The following DIP2C variants were observed in gnomAD, a reference collection of about 807,000 sequenced individuals.
DIP2C encodes DIP2 acetate--CoA ligase C (putative).
In DIP2C, 33 loss-of-function variants were observed where a neutral mutation model predicts 192.4. The ratio of observed to expected loss-of-function variants is 0.17; its 90% CI spans 0.13 to 0.23. DIP2C has a LOEUF of 0.23. Ranked by LOEUF, DIP2C falls within the 10% of genes least tolerant of loss-of-function variation. The pLI is 1.00. For missense variants in DIP2C, 1,537 were observed against 2,110.1 expected (o/e 0.73, Z 5.32); for synonymous variants, 979 against 864.1 (o/e 1.13, Z -2.33).
chr10:315,420 G>A (rs911628785), intron 31 of DIP2C, among the ~76,000 whole-genome samples: 23 of 152,088 alleles, frequency 1.5e-4, no homozygotes, highest in African/African-American at 4.8e-4. Flanking sequence ...TTTGCTGAAC[G>A]ATTCTCTAGG....
rs547632357 is a variant in DIP2C, at chr10:429,747, G to A, written c.395-6714C>T. On this transcript the variant is annotated intron_variant, in intron 4 of 36. Coordinates refer to ENST00000280886, the MANE Select transcript of DIP2C (RefSeq NM_014974.3). ...TTTCAGCATCCAATAATATCCCATT[G>A]TCTGTATGTACCACAGTTTACTTAT... Among the ~76,000 whole-genome samples the A allele has an allele frequency of 2.6e-5, 4 of 151,812 alleles. No individual in the cohort carries two copies. In the South Asian group the frequency reaches 6.3e-4, roughly 24 times the overall value.
chr10:640,697 C>CGCGCGGGGATGAGGG (rs1855131516), intron 1 of DIP2C, among the ~76,000 whole-genome samples: 1 of 10,582 alleles, frequency 9.5e-5, no homozygotes, highest in Non-Finnish European at 2.1e-4. Flanking sequence ...GGGGAAGAGG[C>CGCGCGGGGATGAGGG]TGCGCGCGGG....
chr10:403,774 T>C (rs1964591473), intron 9 of DIP2C, among the ~76,000 whole-genome samples: 1 of 150,470 alleles, frequency 6.6e-6, no homozygotes. Context: ...ATTCTACATG[T>C]GTGGTAGTAT....
intron 18 of DIP2C, among the ~76,000 whole-genome samples, chr10:367,837 A>T (rs1960459435): frequency 6.6e-6 from 1 of 152,268 alleles, no homozygotes; most frequent in Non-Finnish European, 1.5e-5. Flanking sequence ...TGACGTGAGA[A>T]AACCCCGGAA....
chr10:548,874 C>T (rs2130935479), intron 1 of DIP2C, among the ~76,000 whole-genome samples: 2 of 91,876 alleles, frequency 2.2e-5, no homozygotes, highest in South Asian at 7.6e-4. Context: ...TTTCCCAAAC[C>T]AAAGAACAGT....
intron 23 of DIP2C, among the ~76,000 whole-genome samples, chr10:357,330 T>TA (rs1357260354): frequency 6.6e-6 from 1 of 152,168 alleles, no homozygotes; most frequent in African/African-American, 2.4e-5. Context: ...AACTGCTTCT[T>TA]AGAGTCCACA....
chr10:469,821 T>G (rs1472976479), intron 3 of DIP2C, among the ~76,000 whole-genome samples: 1 of 152,208 alleles, frequency 6.6e-6, no homozygotes, highest in Non-Finnish European at 1.5e-5. Flanking sequence ...CACAAGATGC[T>G]ATAACCCAGC....
Position 428,054 on chromosome 10 carries a change from CAG to C in DIP2C, c.395-5023_395-5022del, listed in dbSNP as rs1222618144. On this transcript the variant is annotated intron_variant, in intron 4 of 36. Coordinates refer to ENST00000280886, the MANE Select transcript of DIP2C (RefSeq NM_014974.3). ...AACAGCATGTGTTAGATCCATCTAA[CAG>C]AATATAATTCAACAATAAGAAGGAA... 5.3e-5 allele frequency among the ~76,000 whole-genome samples: 8 copies of C among 152,124 alleles called. No homozygotes were observed. The South Asian group carries it at 6.2e-4, about 12-fold the overall frequency.
At chr10:333,030 G>A (rs1182853214) in intron 29 of DIP2C, among the ~76,000 whole-genome samples, 1 of 152,240 alleles carries the variant, frequency 6.6e-6, no homozygotes, top group Non-Finnish European at 1.5e-5. Context: ...ATGCTCCTGA[G>A]TAGCTGGGAT....
chr10:377,797 C>T (rs951577388), intron 17 of DIP2C, among the ~76,000 whole-genome samples: 1 of 152,184 alleles, frequency 6.6e-6, no homozygotes, highest in Non-Finnish European at 1.5e-5. Context: ...CTTTCAAAAA[C>T]TAGAAGATGG....
At chr10:468,140 T>C (rs1970373184) in intron 3 of DIP2C, among the ~76,000 whole-genome samples, 2 of 152,182 alleles carry the variant, frequency 1.3e-5, no homozygotes, top group Admixed American at 6.5e-5. Flanking sequence ...TTGTGAAATC[T>C]GTCTATTGGT....
chr10:432,377 C>G (rs1052490577), intron 4 of DIP2C, among the ~76,000 whole-genome samples: 2 of 152,108 alleles, frequency 1.3e-5, no homozygotes, highest in Non-Finnish European at 2.9e-5. Context: ...AGATACAGGC[C>G]TATACAGATT....
At chr10:282,290 C>T (rs916286179) in intron 35 of DIP2C, among the ~76,000 whole-genome samples, 10 of 152,208 alleles carry the variant, frequency 6.6e-5, no homozygotes, top group African/African-American at 2.4e-4. Flanking sequence ...TGGCCTTTCT[C>T]TAGGACTATA....
At chr10:385,812 G>A (rs1157426419) in intron 14 of DIP2C, among the ~76,000 whole-genome samples, 3 of 152,110 alleles carry the variant, frequency 2.0e-5, no homozygotes, top group African/African-American at 7.2e-5. Context: ...CAGACGAGAG[G>A]GCAGAGACCC....
At chr10:402,510 T>C (rs1269238211) in intron 9 of DIP2C, among the ~76,000 whole-genome samples, 1 of 15,578 alleles carries the variant, frequency 6.4e-5, no homozygotes, top group African/African-American at 7.0e-5. Context: ...CTCTTCCTTA[T>C]GGACAAGTTT....
At chr10:609,404 C>A (rs78946241) in intron 1 of DIP2C, among the ~76,000 whole-genome samples, 2 of 152,180 alleles carry the variant, frequency 1.3e-5, no homozygotes, top group Admixed American at 1.3e-4. Context: ...TACAATCTAT[C>A]AAACAATACT....
At chr10:353,293 CAAG>C (rs1341436586) in intron 24 of DIP2C, among the ~76,000 whole-genome samples, 1 of 151,992 alleles carries the variant, frequency 6.6e-6, no homozygotes, top group African/African-American at 2.4e-5. Context: ...AAAAAAAACC[CAAG>C]AAGAAAAAGC....
intron 32 of DIP2C, among the ~76,000 whole-genome samples, chr10:303,520 ACTTT>A: frequency 6.6e-6 from 1 of 150,784 alleles, no homozygotes. Flanking sequence ...AAAGTTTTTT[ACTTT>A]TTTTTTTTCT....
rs1207485096 is a variant in DIP2C, at chr10:448,363, CA to C, written c.269-7368del. 4.4e-5 allele frequency among the ~76,000 whole-genome samples: 5 copies of C among 113,904 alleles called. 1 individual carries two copies. Among genetic ancestry groups the C allele is most frequent in the African/African-American group, 3.7e-4 (5 of 13,398 alleles). The allele number at this position is 113,904 out of a possible 152,430, so 74.7% of individuals were successfully genotyped here. ...ACACAGTGGGGCAGCAGGACCCACT[CA>C]CTCCCGTCGATACTCAGGATCACAC... On this transcript the variant is annotated intron_variant, in intron 3 of 36. Transcript: ENST00000280886.
Sources: allele counts gnomAD v4.1 joint callset (sites outside exome capture counted in the v4.1 genomes callset), GRCh38; gene constraint gnomAD v4.1.1; transcripts MANE v1.5; gene names NCBI Gene and HGNC (gene_info 2026-07-23, HGNC 2026-07-21).